Variants in EHF observed in about 807,000 individuals in gnomAD.
EHF encodes the protein ESE3 transcription factor.
A neutral mutation model predicts 45.1 loss-of-function variants in EHF; 14 were observed. The ratio of observed to expected loss-of-function variants is 0.31; its 90% confidence interval spans 0.21 to 0.49. The LOEUF is 0.49. Ranked by LOEUF, EHF falls within the 20% of genes least tolerant of loss-of-function variation. The pLI, the probability that EHF is intolerant of heterozygous loss-of-function variation, is 0.99. For missense variants in EHF, 282 were observed against 371.4 expected, an observed-to-expected ratio of 0.76 and a Z score of 1.98; for synonymous variants, 136 against 131.8, an observed-to-expected ratio of 1.03 and a Z score of -0.22.
intron 1 of EHF, among the ~76,000 whole-genome samples, chr11:34,633,953 A>C (rs990535551): frequency 6.6e-6 from 1 of 152,178 alleles, no homozygotes; most frequent in Non-Finnish European, 1.5e-5. Context: ...TTGGCCTCCC[A>C]GTGCTGCATT....
intron 3 of EHF, among the ~76,000 whole-genome samples, chr11:34,647,676 C>A (rs921450894): frequency 3.9e-5 from 6 of 152,238 alleles, no homozygotes; most frequent in Admixed American, 2.6e-4. Flanking sequence ...GGGCTGTGAA[C>A]CAGAGTCATA....
At chr11:34,653,663 A>G (rs192020504) in intron 6 of EHF, among the ~76,000 whole-genome samples, 30 of 152,318 alleles carry the variant, frequency 2.0e-4, no homozygotes, top group Admixed American at 1.6e-3. Flanking sequence ...ATAGCCCTTC[A>G]GTAGGATAGT....
At chr11:34,648,915 A>G (rs1854858264) in intron 3 of EHF, 104 bp from the exon 4 acceptor site, 1 of 1,083,474 alleles carries the variant, frequency 9.2e-7, no homozygotes, top group Admixed American at 1.8e-5. Flanking sequence ...ACCAGGCAGT[A>G]GGATGGCAGA....
At chr11:34,657,402 G>T (rs1267940455) in intron 7 of EHF, among the ~76,000 whole-genome samples, 3 of 152,144 alleles carry the variant, frequency 2.0e-5, no homozygotes, top group African/African-American at 7.2e-5. Flanking sequence ...TTTTTCTTAA[G>T]ATTCAACACT....
rs753351746 is a variant in EHF at position 34,663,259 on chromosome 11, T to C, written c.*4328T>C. On this transcript the variant is annotated 3_prime_UTR_variant, in exon 9 of 9. Transcript: ENST00000257831. ...TTGTTTGATGGGTCCCAGGAAACAC[T>C]AATAAAAACCACAGAGACCAGCCTG... 2.4e-4 allele frequency among the ~76,000 whole-genome samples: 36 copies of C among 152,142 alleles called. No individual in the cohort carries two copies. The highest frequency in any genetic ancestry group is 4.6e-4 in the Non-Finnish European group (31 of 68,024).
chr11:34,628,584 G>C (rs1852585670), intron 1 of EHF, among the ~76,000 whole-genome samples: 1 of 152,174 alleles, frequency 6.6e-6, no homozygotes, highest in African/African-American at 2.4e-5. Flanking sequence ...CCTATGGGTA[G>C]CCTTGGAGTT....
intron 1 of EHF, chr11:34,624,313 C>T (rs1852183332): frequency 2.0e-6 from 2 of 985,404 alleles, no homozygotes; most frequent in East Asian, 1.1e-4. Flanking sequence ...TGGCTTTCAG[C>T]TTGGGTAAGC....
At chr11:34,655,849 C>T (rs955274731) in intron 6 of EHF, among the ~76,000 whole-genome samples, 19 of 152,124 alleles carry the variant, frequency 1.2e-4, no homozygotes, top group Non-Finnish European at 2.6e-4. Flanking sequence ...CCTCTCCCTT[C>T]ATATATGGTT....
At chr11:34,636,687 C>T (rs980393018) in intron 1 of EHF, among the ~76,000 whole-genome samples, 4 of 152,160 alleles carry the variant, frequency 2.6e-5, no homozygotes, top group African/African-American at 9.7e-5. Context: ...AGATTTCAAC[C>T]CTGGCCGTTT....
At chr11:34,651,067 G>A (rs1855110249) in intron 4 of EHF, among the ~76,000 whole-genome samples, 1 of 152,032 alleles carries the variant, frequency 6.6e-6, no homozygotes. Context: ...ACTGTGATAA[G>A]ATTGACAAGA....
At chr11:34,633,224 T>C (rs552747664) in intron 1 of EHF, among the ~76,000 whole-genome samples, 6 of 152,334 alleles carry the variant, frequency 3.9e-5, no homozygotes, top group Admixed American at 2.6e-4. Flanking sequence ...TTAATAGAAC[T>C]AAGCAATTCC....
intron 3 of EHF, among the ~76,000 whole-genome samples, chr11:34,647,630 G>T (rs1208666186): frequency 6.6e-6 from 1 of 152,188 alleles, no homozygotes; most frequent in African/African-American, 2.4e-5. Flanking sequence ...ACCCATGTTT[G>T]GGCAAGTAAC....
At chr11:34,647,678 A>G (rs990147766) in intron 3 of EHF, among the ~76,000 whole-genome samples, 1 of 152,250 alleles carries the variant, frequency 6.6e-6, no homozygotes, top group Non-Finnish European at 1.5e-5. Context: ...GCTGTGAACC[A>G]GAGTCATACC....
intron 1 of EHF, among the ~76,000 whole-genome samples, chr11:34,629,801 TG>T: frequency 6.6e-6 from 1 of 152,340 alleles, no homozygotes; most frequent in East Asian, 1.9e-4. Context: ...CAATCTGTGA[TG>T]GCTGAGACAT....
At chr11:34,637,011 A>G (rs979217370) in intron 1 of EHF, among the ~76,000 whole-genome samples, 2 of 146,470 alleles carry the variant, frequency 1.4e-5, no homozygotes, top group Admixed American at 6.8e-5. Context: ...TCTGGGCAAC[A>G]AGAGCGAAAC....
intron 1 of EHF, among the ~76,000 whole-genome samples, chr11:34,635,538 A>G (rs545072750): frequency 3.9e-4 from 53 of 134,770 alleles, no homozygotes; most frequent in African/African-American, 1.4e-3. Context: ...TGCAACCTCT[A>G]CCTCCCGGGT....
intron 2 of EHF, 134 bp downstream of exon 2, chr11:34,642,861 C>T: frequency 2.8e-6 from 2 of 702,722 alleles, no homozygotes; most frequent in East Asian, 2.8e-5. Context: ...ATGGAGAAAA[C>T]TCAGTTTTGG....
chr11:34,657,039 G>GT (rs1855740883), intron 7 of EHF, 69 bp downstream of exon 7: 5 of 1,580,688 alleles, frequency 3.2e-6, no homozygotes, highest in African/African-American at 2.7e-5. Context: ...GAGGCCACTA[G>GT]TTTTTTGGCA....
At chr11:34,636,617 A>C (rs1423873150) in intron 1 of EHF, among the ~76,000 whole-genome samples, 1 of 152,236 alleles carries the variant, frequency 6.6e-6, no homozygotes, top group Non-Finnish European at 1.5e-5. Flanking sequence ...GGGGAGACTG[A>C]GGTGGTAGAG....
Sources: gnomAD v4.1 joint callset for allele counts (sites outside exome capture counted in the v4.1 genomes callset) on GRCh38, gnomAD v4.1.1 for gene constraint, MANE v1.5 for transcripts, NCBI Gene and HGNC (gene_info 2026-07-23, HGNC 2026-07-21) for gene names.